The following ASTN1 variants were observed in gnomAD, a reference collection of about 807,000 sequenced individuals.
The protein encoded by ASTN1 is astrotactin 1, also known as astrotactin-1.
ASTN1 carries 41 observed loss-of-function variants against 140.7 expected under a neutral mutation model. The ratio of observed to expected loss-of-function variants is 0.29; its 90% CI spans 0.23 to 0.38. ASTN1 has a LOEUF of 0.38. Among genes scored for constraint, ASTN1 ranks in the 10% least tolerant of loss-of-function variants. The pLI is 1.00. For missense variants in ASTN1, 1,479 were observed against 1,678.8 expected (o/e 0.88, Z 2.08); for synonymous variants, 640 against 652.2 (o/e 0.98, Z 0.29).
chr1:177,145,155 C>T (rs561142455), intron 1 of ASTN1, among the ~76,000 whole-genome samples: 1 of 152,256 alleles, frequency 6.6e-6, no homozygotes, highest in South Asian at 2.1e-4. Flanking sequence ...CTTTCAGCTC[C>T]GTTCCTCTGG....
chr1:177,140,956 C>A (rs1018383098), intron 1 of ASTN1, among the ~76,000 whole-genome samples: 2 of 152,190 alleles, frequency 1.3e-5, no homozygotes, highest in African/African-American at 4.8e-5. Flanking sequence ...GTGGCTCACG[C>A]CTGTAATCCC....
At chr1:176,912,688 C>A (rs991543209) in intron 16 of ASTN1, among the ~76,000 whole-genome samples, 1 of 152,242 alleles carries the variant, frequency 6.6e-6, no homozygotes, top group South Asian at 2.1e-4. Context: ...AACCACTAAG[C>A]TATACTACCT....
intron 16 of ASTN1, among the ~76,000 whole-genome samples, chr1:176,913,606 G>C (rs1485774076): frequency 6.6e-6 from 1 of 152,224 alleles, no homozygotes; most frequent in Non-Finnish European, 1.5e-5. Flanking sequence ...GGATTTAGAA[G>C]AATTTTATTC....
chr1:177,040,206 T>A (rs935590152), intron 2 of ASTN1, among the ~76,000 whole-genome samples: 5 of 152,242 alleles, frequency 3.3e-5, no homozygotes, highest in Non-Finnish European at 7.3e-5. Flanking sequence ...GTTTGATTTA[T>A]AAATTATTAG....
At chr1:176,873,520 G>A (rs992763205) in intron 21 of ASTN1, among the ~76,000 whole-genome samples, 1 of 152,222 alleles carries the variant, frequency 6.6e-6, no homozygotes, top group East Asian at 1.9e-4. Context: ...TCATGCTCCA[G>A]GTCACTTAAA....
At chr1:177,137,198 G>A (rs556322372) in intron 1 of ASTN1, among the ~76,000 whole-genome samples, 11 of 152,318 alleles carry the variant, frequency 7.2e-5, no homozygotes, top group African/African-American at 2.6e-4. Context: ...GAAATAAACA[G>A]AGAGGTATTA....
chr1:176,932,012 A>G (rs1671224138), intron 16 of ASTN1, among the ~76,000 whole-genome samples: 1 of 152,244 alleles, frequency 6.6e-6, no homozygotes, highest in Admixed American at 6.5e-5. Flanking sequence ...AGGTCCAGAT[A>G]AGTGATTGAC....
chr1:176,927,535 T>C (rs1191713640), intron 16 of ASTN1, among the ~76,000 whole-genome samples: 1 of 152,224 alleles, frequency 6.6e-6, no homozygotes, highest in East Asian at 1.9e-4. Flanking sequence ...TAATTTAAAA[T>C]CAGTTTCCTT....
At chr1:177,100,129 T>G (rs1419638835) in intron 1 of ASTN1, among the ~76,000 whole-genome samples, 7 of 152,116 alleles carry the variant, frequency 4.6e-5, no homozygotes, top group Admixed American at 4.6e-4. Context: ...CACACTCTAC[T>G]ATAAACCCCC....
Position 176,942,820 on chromosome 1 carries a change from GTATATATATATATA to G in ASTN1, c.2377+1057_2377+1070del, listed in dbSNP as rs148722284. Among the ~76,000 whole-genome samples the G allele has an allele frequency of 9.3e-3, 235 of 25,280 alleles. 9 individuals are homozygous for G. Among genetic ancestry groups the G allele is most frequent in the South Asian group, 0.072 (41 of 570 alleles). The allele number at this position is 25,280 out of a possible 152,430, so 16.6% of individuals were successfully genotyped here. On this transcript the variant is annotated intron_variant, in intron 14 of 22. Coordinates refer to ENST00000361833, the MANE Select transcript of ASTN1 (RefSeq NM_004319.3). ...CCAAACCAATGTACTTTGTGTGTGT[GTATATATATATATA>G]TGTATATATATATATATATATATAT... is the stretch of plus-strand genomic sequence containing the variant.
At chr1:177,126,423 A>G (rs1357092584) in intron 1 of ASTN1, among the ~76,000 whole-genome samples, 1 of 152,178 alleles carries the variant, frequency 6.6e-6, no homozygotes, top group African/African-American at 2.4e-5. Flanking sequence ...CAACTTCCAG[A>G]TCAAATGAAA....
intron 1 of ASTN1, among the ~76,000 whole-genome samples, chr1:177,112,921 G>A (rs1680892576): frequency 6.6e-6 from 1 of 152,142 alleles, no homozygotes; most frequent in Non-Finnish European, 1.5e-5. Context: ...GTGACTGGTT[G>A]TGAAGGTTCT....
At chr1:176,985,281 C>T (rs1450818387) in intron 8 of ASTN1, among the ~76,000 whole-genome samples, 1 of 152,178 alleles carries the variant, frequency 6.6e-6, no homozygotes, top group Admixed American at 6.5e-5. Flanking sequence ...CTGTGCAGGA[C>T]TCAGTCTCCA....
intron 21 of ASTN1, among the ~76,000 whole-genome samples, chr1:176,871,461 A>G (rs1668341317): frequency 2.0e-5 from 3 of 152,168 alleles, no homozygotes; most frequent in South Asian, 4.1e-4. Flanking sequence ...TTTGCGGAGG[A>G]GCAGTGATGG....
chr1:177,064,385 T>C (rs1229091341), intron 1 of ASTN1, among the ~76,000 whole-genome samples: 5 of 152,236 alleles, frequency 3.3e-5, no homozygotes, highest in African/African-American at 1.2e-4. Flanking sequence ...ATTCACAAAG[T>C]TGTGCAGCCA....
At chr1:177,106,686 G>C (rs1480400280) in intron 1 of ASTN1, among the ~76,000 whole-genome samples, 2 of 152,166 alleles carry the variant, frequency 1.3e-5, no homozygotes, top group Admixed American at 6.5e-5. Context: ...TAAGATTATA[G>C]ACTTCTCATT....
Position 176,923,883 on chromosome 1 carries a change from A to G in ASTN1, c.2671+10269T>C, listed in dbSNP as rs187501851. Among the ~76,000 whole-genome samples the G allele has an allele frequency of 3.9e-3, 601 of 152,308 alleles. 1 individual carries two copies. The highest frequency in any genetic ancestry group is 0.01 in the Middle Eastern group (3 of 294). On this transcript the variant is annotated intron_variant, in intron 16 of 22. Coordinates refer to ENST00000361833, the MANE Select transcript of ASTN1 (RefSeq NM_004319.3). Reference sequence around the variant, plus strand: ...TTCAGATTCTCACATCTGATGTAGAATCTTCCCTTCCCTTATCCTTTATCT... The same window carrying G: ...TTCAGATTCTCACATCTGATGTAGAGTCTTCCCTTCCCTTATCCTTTATCT...
intron 16 of ASTN1, among the ~76,000 whole-genome samples, chr1:176,915,120 G>A (rs1036641506): frequency 2.0e-5 from 3 of 152,120 alleles, no homozygotes; most frequent in Non-Finnish European, 4.4e-5. Flanking sequence ...AAAAAATATA[G>A]CATACAGTGT....
chr1:176,875,966 A>T (rs1668542103), intron 21 of ASTN1, among the ~76,000 whole-genome samples: 1 of 152,194 alleles, frequency 6.6e-6, no homozygotes, highest in African/African-American at 2.4e-5. Context: ...ATGTTGACTG[A>T]AGTCAAGTTT....
Sources: gnomAD v4.1 joint callset for allele counts (sites outside exome capture counted in the v4.1 genomes callset) on GRCh38, gnomAD v4.1.1 for gene constraint, MANE v1.5 for transcripts, NCBI Gene and HGNC (gene_info 2026-07-23, HGNC 2026-07-21) for gene names.